ADAMTS14: variants seen among roughly 807,000 people sequenced by gnomAD.
ADAMTS14 encodes ADAM metallopeptidase with thrombospondin type 1 motif 14.
In ADAMTS14, 100 loss-of-function variants were observed where a neutral mutation model predicts 128.6. The observed-to-expected ratio is 0.78, with a 90% confidence interval of 0.66 to 0.92. ADAMTS14 has a LOEUF of 0.92. Among genes scored for constraint, ADAMTS14 ranks in the 40% least tolerant of loss-of-function variants. The pLI is 0.00. For missense variants in ADAMTS14, 1,562 were observed against 1,658.6 expected, an observed-to-expected ratio of 0.94 and a Z score of 1.01; for synonymous variants, 665 against 653.8, an observed-to-expected ratio of 1.02 and a Z score of -0.26.
rs564862955 is a variant in ADAMTS14 at position 70,751,498 on chromosome 10, T to G, written c.2448T>G (p.Gly816=). 47 of 1,605,262 alleles carry G rather than the reference T, an allele frequency of 2.9e-5. No homozygotes were observed. In the East Asian group the frequency reaches 9.2e-4, roughly 31 times the overall value. The change falls in exon 17 of 22, where the codon GGT becomes GGG. Residue 816 remains glycine (G), a synonymous_variant. Coordinates refer to ENST00000373207, the MANE Select transcript of ADAMTS14 (RefSeq NM_080722.4). Reference sequence around the variant, plus strand: ...CTCAGGCTCTCCCCCCAACTGAGGGTGGCCCCCGCAGCAGCCTGGCCTACA... The same window carrying G: ...CTCAGGCTCTCCCCCCAACTGAGGGGGGCCCCCGCAGCAGCCTGGCCTACA... The part of the protein sequence containing the change: ...IAILALPPTE[G]GPRSSLAYKY...
In ADAMTS14 at chr10:70,736,690, T is replaced by C; in HGVS notation, c.1496T>C (p.Phe499Ser). ...TCCCTTGCCATGCAGTTCAGGACCT[T>C]TGAGCCCTGCAAGCAGCTGTGGTGC... is the stretch of plus-strand genomic sequence containing the variant. ...GYQTCLAFRT[F>S]EPCKQLWCSH... Residue 499 changes from phenylalanine (F) to serine (S), a missense_variant, in exon 10 of 22, where the codon TTT becomes TCT. Coordinates refer to ENST00000373207, the MANE Select transcript of ADAMTS14 (RefSeq NM_080722.4). The C allele has an allele frequency of 1.2e-6, 2 of 1,613,848 alleles. No individual in the cohort carries two copies. Among genetic ancestry groups the C allele is most frequent in the Non-Finnish European group, 1.7e-6 (2 of 1,179,826 alleles).
chr10:70,697,615 A>T (rs1352437639), intron 2 of ADAMTS14, among the ~76,000 whole-genome samples: 4 of 152,216 alleles, frequency 2.6e-5, no homozygotes, highest in African/African-American at 9.6e-5. Flanking sequence ...TACCTGCTAT[A>T]ATATCTGGGA....
chr10:70,736,810 C>T lies in ADAMTS14; in HGVS notation c.1599+17C>T, dbSNP rs1460946668. 1 of 1,610,650 alleles carries T rather than the reference C, an allele frequency of 6.2e-7. No homozygotes were observed. Among genetic ancestry groups the T allele is most frequent in the East Asian group, 2.2e-5 (1 of 44,788 alleles). ...CCCGGCAAGGTACCTGTGGGGTGTG[C>T]AGCAGGAGTGGCCTTCCTGGGGTGC... is the stretch of plus-strand genomic sequence containing the variant. On this transcript the variant is annotated intron_variant, in intron 10 of 21. Transcript: ENST00000373207.
At position 70,755,278 on chromosome 10, in the gene ADAMTS14, C is replaced by T. The variant is rs191082374; in HGVS notation, c.2937+1271C>T. On this transcript the variant is annotated intron_variant, in intron 19 of 21. Transcript: ENST00000373207. ...GCTATGACCATACCATGCCACTGCA[C>T]TCCAGCCTGAGTGACAGAGCAAGAG... 3.9e-4 allele frequency among the ~76,000 whole-genome samples: 58 copies of T among 148,314 alleles called. 1 individual carries two copies. The highest frequency in any genetic ancestry group is 1.4e-3 in the African/African-American group (57 of 40,048).
intron 2 of ADAMTS14, among the ~76,000 whole-genome samples, chr10:70,690,805 C>T (rs1840162043): frequency 6.9e-6 from 1 of 144,942 alleles, no homozygotes; most frequent in East Asian, 1.9e-4. Flanking sequence ...GGCCTCCACG[C>T]AGGGTGCCGC....
At chr10:70,748,713 T>C (rs1306303540) in intron 15 of ADAMTS14, among the ~76,000 whole-genome samples, 1 of 140,698 alleles carries the variant, frequency 7.1e-6, no homozygotes, top group Non-Finnish European at 1.6e-5. Context: ...GTTGGCAGAG[T>C]GACTGGCACA....
At chr10:70,751,856 T>C (rs1842360090) in intron 17 of ADAMTS14, among the ~76,000 whole-genome samples, 1 of 152,214 alleles carries the variant, frequency 6.6e-6, no homozygotes, top group Non-Finnish European at 1.5e-5. Flanking sequence ...GCAGAGCTTC[T>C]ACCCTAAAAG....
chr10:70,684,540 CT>C (rs1404158415), intron 2 of ADAMTS14, among the ~76,000 whole-genome samples: 6 of 152,248 alleles, frequency 3.9e-5, no homozygotes, highest in Non-Finnish European at 1.5e-5. Context: ...CACATTGCCC[CT>C]AGGCAAGTGA....
Position 70,672,813 on chromosome 10 carries a change from T to C in ADAMTS14, c.11T>C (p.Leu4Pro). The stretch of plus-strand genomic sequence containing the variant: ...TCCCAGCGCGGCCACATGGCTCCAC[T>C]CCGCGCGCTGCTGTCCTACCTGCTG... MAPLRALLSYLLPL... is the reference protein window; with the variant it reads MAPPRALLSYLLPL... The change falls in exon 1 of 22, where the codon CTC (leucine) becomes CCC (proline). Residue 4 changes from leucine (L) to proline (P), a missense_variant. Coordinates refer to ENST00000373207, the MANE Select transcript of ADAMTS14 (RefSeq NM_080722.4). 1 of 1,511,390 alleles carries C rather than the reference T, an allele frequency of 6.6e-7. No homozygotes were observed. The highest frequency in any genetic ancestry group is 8.8e-7 in the Non-Finnish European group (1 of 1,133,996). The allele number at this position is 1,511,390 out of a possible 1,614,324, so 93.6% of individuals were successfully genotyped here. A position where few individuals can be genotyped will look rare whatever the true frequency, so the allele number is the denominator to read the frequency against.
intron 2 of ADAMTS14, among the ~76,000 whole-genome samples, chr10:70,686,969 G>C: frequency 9.8e-6 from 1 of 102,412 alleles, no homozygotes; most frequent in Non-Finnish European, 2.2e-5. Flanking sequence ...GCGGCTGGCC[G>C]GGCAGAGGGG....
chr10:70,676,941 T>C (rs1839663203), intron 2 of ADAMTS14, among the ~76,000 whole-genome samples: 1 of 152,206 alleles, frequency 6.6e-6, no homozygotes, highest in Admixed American at 6.5e-5. Context: ...GGGCTAGGGC[T>C]CCAGCTTCTC....
intron 18 of ADAMTS14, among the ~76,000 whole-genome samples, chr10:70,752,760 G>A (rs750019486): frequency 2.1e-4 from 32 of 152,204 alleles, no homozygotes; most frequent in Non-Finnish European, 3.2e-4. Context: ...CCTGGTAGGC[G>A]TAGGGTGCTG....
rs1454244747 is a variant in ADAMTS14, at chr10:70,760,981, C to T, written c.*128C>T. ...CATTTTAAATCATTCGCCTTCTTCT[C>T]GTTTGGGGCTGTGATGCTCTTTACC... On this transcript the variant is annotated 3_prime_UTR_variant, in exon 22 of 22. Transcript: ENST00000373207. 5.3e-6 allele frequency: 7 copies of T among 1,313,622 alleles called. No individual in the cohort carries two copies. Among genetic ancestry groups the T allele is most frequent in the South Asian group, 3.4e-5 (2 of 58,128 alleles). The allele number at this position is 1,313,622 out of a possible 1,614,324, so 81.4% of individuals were successfully genotyped here.
At chr10:70,713,999 G>A (rs1333850455) in intron 4 of ADAMTS14, among the ~76,000 whole-genome samples, 1 of 152,112 alleles carries the variant, frequency 6.6e-6, no homozygotes, top group East Asian at 1.9e-4. Flanking sequence ...TTCAAGACAA[G>A]CCTGGGCATA....
chr10:70,732,938 C>T (rs1055090229), intron 7 of ADAMTS14, among the ~76,000 whole-genome samples: 1 of 152,172 alleles, frequency 6.6e-6, no homozygotes, highest in Non-Finnish European at 1.5e-5. Context: ...ATGCACCGGG[C>T]CCCATTCTAG....
chr10:70,757,807 G>T (rs1384914238), intron 19 of ADAMTS14, among the ~76,000 whole-genome samples, 155 bp from the exon 20 acceptor site: 1 of 152,190 alleles, frequency 6.6e-6, no homozygotes, highest in East Asian at 1.9e-4. Flanking sequence ...AGCAGTCCTT[G>T]CATGTCCCTC....
chr10:70,735,937 A>G (rs1332762795), intron 9 of ADAMTS14, among the ~76,000 whole-genome samples: 1 of 152,034 alleles, frequency 6.6e-6, no homozygotes, highest in African/African-American at 2.4e-5. Flanking sequence ...GGCCTTGGGG[A>G]CCTGAGTGCT....
intron 2 of ADAMTS14, among the ~76,000 whole-genome samples, chr10:70,701,850 G>T (rs758395145): frequency 6.6e-6 from 1 of 152,068 alleles, no homozygotes; most frequent in Non-Finnish European, 1.5e-5. Context: ...GGACAAACAC[G>T]CACCTTAGGG....
chr10:70,699,646 G>A (rs1329882243), intron 2 of ADAMTS14, among the ~76,000 whole-genome samples: 1 of 152,198 alleles, frequency 6.6e-6, no homozygotes, highest in Non-Finnish European at 1.5e-5. Flanking sequence ...GCTTCATTCT[G>A]GAAACTGTAT....
Sources: gnomAD v4.1 joint callset for allele counts (sites outside exome capture counted in the v4.1 genomes callset) on GRCh38, gnomAD v4.1.1 for gene constraint, MANE v1.5 for transcripts, NCBI Gene and HGNC (gene_info 2026-07-23, HGNC 2026-07-21) for gene names.